The following POLR1E variants were observed in gnomAD, a reference collection of about 807,000 sequenced individuals.
POLR1E encodes the protein RNA polymerase I subunit E.
In POLR1E, 37 loss-of-function variants were observed where a neutral mutation model predicts 50.9. The observed-to-expected ratio is 0.73, with a 90% CI of 0.56 to 0.96. The LOEUF (loss-of-function observed/expected upper bound fraction) is 0.96. Among genes scored for constraint, POLR1E ranks in the 40% least tolerant of loss-of-function variants. The pLI is 0.00. For synonymous variants in POLR1E, 166 were observed against 191.6 expected, an observed-to-expected ratio of 0.87 and a Z score of 1.10; for missense variants, 426 against 518.1, an observed-to-expected ratio of 0.82 and a Z score of 1.73.
intron 4 of POLR1E, chr9:37,492,223 G>T (rs1343237627): frequency 9.4e-6 from 12 of 1,282,144 alleles, no homozygotes; most frequent in Non-Finnish European, 1.2e-5. Context: ...TGAGTACTTT[G>T]TAGATGATTG....
chr9:37,487,826 T>G, intron 2 of POLR1E, 37 bp from the exon 3 acceptor site: 2 of 1,572,758 alleles, frequency 1.3e-6, no homozygotes, highest in Non-Finnish European at 1.8e-6. Context: ...CCTTTCAACA[T>G]TGGTTGTAAA....
intron 1 of POLR1E, 109 bp downstream of exon 1, chr9:37,486,232 A>G (rs564037916): frequency 7.2e-7 from 1 of 1,380,972 alleles, no homozygotes; most frequent in East Asian, 2.5e-5. Flanking sequence ...CGGGGCCGGG[A>G]CCCCTCTAGT....
chr9:37,492,674 G>A lies in POLR1E; in HGVS notation c.361G>A (p.Glu121Lys). ...PLFSDVSVES[E>K]LALESQTKTY... ...TTTGATAGATGTATCAGTTGAGAGTGAACTGGCGCTAGAGAGTCAGACCAA... is the reference window on the plus strand; with the variant it reads ...TTTGATAGATGTATCAGTTGAGAGTAAACTGGCGCTAGAGAGTCAGACCAA... Residue 121 changes from glutamate to lysine, a missense_variant, in exon 5 of 12, where the codon GAA (glutamate) becomes AAA (lysine). By Grantham distance (56) the Glu-to-Lys change is moderately conservative. Transcript: ENST00000377798. The A allele has an allele frequency of 6.2e-7, 1 of 1,614,026 alleles. No individual in the cohort carries two copies.
chr9:37,501,049 T>G, intron 10 of POLR1E, 128 bp downstream of exon 10: 1 of 925,900 alleles, frequency 1.1e-6, no homozygotes, highest in Non-Finnish European at 1.6e-6. Flanking sequence ...TGCTGCCATT[T>G]GGAAGGCTCC....
At chr9:37,501,891 T>TGGAAAGCATGG in intron 11 of POLR1E, 47 bp downstream of exon 11, 1 of 1,571,206 alleles carries the variant, frequency 6.4e-7, no homozygotes, top group East Asian at 2.2e-5. Context: ...TCTCGATGTC[T>TGGAAAGCATGG]TATTTCTGGT....
chr9:37,486,724 TAC>T lies in POLR1E; in HGVS notation c.100_101del (p.Gln34GlufsTer11). 6.2e-7 allele frequency: 1 copy of T among 1,614,238 alleles called. No individual in the cohort carries two copies. Among genetic ancestry groups the T allele is most frequent in the South Asian group, 1.1e-5 (1 of 91,090 alleles). ...ACAGTCCAGTTCTCCAACGGGAAGC[TAC>T]AGAGTCCAGGCAACATGCGCTTTAC... On this transcript the variant is annotated frameshift_variant, in exon 2 of 12. Transcript: ENST00000377798. LOFTEE classifies it high-confidence loss of function.
intron 10 of POLR1E, among the ~76,000 whole-genome samples, chr9:37,501,123 TA>T (rs1414824607): frequency 6.6e-6 from 1 of 152,254 alleles, no homozygotes; most frequent in Non-Finnish European, 1.5e-5. Context: ...AGAAAAGTAT[TA>T]CCTTTTGGGA....
chr9:37,499,151 G>T (rs1300894368), intron 9 of POLR1E, among the ~76,000 whole-genome samples: 1 of 152,190 alleles, frequency 6.6e-6, no homozygotes, highest in Non-Finnish European at 1.5e-5. Context: ...GGGACTGGCT[G>T]GGCATGGTGG....
Position 37,500,926 on chromosome 9 carries a change from G to A in POLR1E, c.968+5G>A. ...CTTGACCTACAACAATGGCAGGTCA[G>A]GGGGTGGTTGCTGGGATTTTTCTTG... On this transcript the variant is annotated splice_donor_5th_base_variant and intron_variant, in intron 10 of 11. Transcript: ENST00000377798. The A allele has an allele frequency of 6.2e-7, 1 of 1,610,036 alleles. No homozygotes were observed. Among genetic ancestry groups the A allele is most frequent in the South Asian group, 1.1e-5 (1 of 90,872 alleles).
Position 37,490,133 on chromosome 9 carries a change from T to C in POLR1E, c.343+733T>C, listed in dbSNP as rs537703827. ...TATTTTTTATTTTTGTAAATTACTT[T>C]ATTTCTTCCTTGATCATTTCAAGGG... On this transcript the variant is annotated intron_variant, in intron 4 of 11. Transcript: ENST00000377798. Among the ~76,000 whole-genome samples the C allele has an allele frequency of 2.0e-5, 3 of 152,256 alleles. No individual in the cohort carries two copies. The South Asian group carries it at 6.2e-4, about 31-fold the overall frequency.
chr9:37,489,285 T>G, intron 3 of POLR1E, 30 bp from the exon 4 acceptor site: 2 of 1,455,180 alleles, frequency 1.4e-6, no homozygotes, highest in Non-Finnish European at 1.9e-6. Flanking sequence ...AATAATCCAT[T>G]GTTATTTGTA....
Position 37,503,313 on chromosome 9 carries a change from C to A in POLR1E, c.*111C>A. On this transcript the variant is annotated 3_prime_UTR_variant, in exon 12 of 12. Transcript: ENST00000377798. ...AAGAAAAGGTCCGGGGATGGTGGCT[C>A]ACACCTGAAATCCCAGCACTTTGGG... is the stretch of plus-strand genomic sequence containing the variant. 1 of 1,333,716 alleles carries A rather than the reference C, an allele frequency of 7.5e-7. No individual in the cohort carries two copies. The highest frequency in any genetic ancestry group is 1.6e-5 in the South Asian group (1 of 63,930). The allele number at this position is 1,333,716 out of a possible 1,614,324, so 82.6% of individuals were successfully genotyped here.
intron 11 of POLR1E, 146 bp from the exon 12 acceptor site, chr9:37,502,897 T>G (rs1323207746): frequency 1.6e-4 from 129 of 820,792 alleles, no homozygotes; most frequent in Non-Finnish European, 1.5e-4. Flanking sequence ...TGCCTGCCTC[T>G]CTGCCAGGGG....
chr9:37,496,492 C>A (rs2119011542), intron 8 of POLR1E, among the ~76,000 whole-genome samples: 1 of 151,296 alleles, frequency 6.6e-6, no homozygotes, highest in African/African-American at 2.4e-5. Flanking sequence ...GTTTTTTTTG[C>A]TTTTGAGTTT....
At position 37,487,803 on chromosome 9, in the gene POLR1E, A is replaced by G. The variant is rs1820605335; in HGVS notation, c.181-60A>G. The G allele has an allele frequency of 2.0e-5, 30 of 1,499,602 alleles. No homozygotes were observed. In the South Asian group the frequency reaches 2.8e-4, roughly 14 times the overall value. The allele number at this position is 1,499,602 out of a possible 1,614,324, so 92.9% of individuals were successfully genotyped here. On this transcript the variant is annotated intron_variant, in intron 2 of 11. Transcript: ENST00000377798. ...GCCTCAGCAAATGTAGAAAAGAGAA[A>G]TGATGCTTAATACCTTTCAACATTG...
chr9:37,486,685 T>G lies in POLR1E; in HGVS notation c.77-18T>G, dbSNP rs771322179. 2.5e-6 allele frequency: 4 copies of G among 1,614,250 alleles called. No individual in the cohort carries two copies. The highest frequency in any genetic ancestry group is 4.5e-5 in the East Asian group (2 of 44,880). On this transcript the variant is annotated intron_variant, in intron 1 of 11. Coordinates refer to ENST00000377798, the MANE Select transcript of POLR1E (RefSeq NM_022490.4). ...TGGCCTTCTGCTCTCATCTCATTCTTGGGCTGCACTCTTACAGTCCAGTTC... is the reference window on the plus strand; with the variant it reads ...TGGCCTTCTGCTCTCATCTCATTCTGGGGCTGCACTCTTACAGTCCAGTTC...
intron 4 of POLR1E, 51 bp downstream of exon 4, chr9:37,489,451 C>G (rs781513673): frequency 1.5e-6 from 2 of 1,295,798 alleles, no homozygotes; most frequent in Admixed American, 2.5e-5. Flanking sequence ...TTTGGGTTTG[C>G]TGGATGAGTT....
intron 7 of POLR1E, 55 bp from the exon 8 acceptor site, chr9:37,495,835 C>A: frequency 7.8e-7 from 1 of 1,275,918 alleles, no homozygotes; most frequent in Non-Finnish European, 1.1e-6. Flanking sequence ...ATGAGATGAC[C>A]TAGCTAGTTG....
rs970931016 is a variant in POLR1E at position 37,493,860 on chromosome 9, A to G, written c.547+157A>G. 2.0e-5 allele frequency among the ~76,000 whole-genome samples: 3 copies of G among 152,194 alleles called. No individual in the cohort carries two copies. The East Asian group carries it at 5.8e-4, about 29-fold the overall frequency. On this transcript the variant is annotated intron_variant, in intron 6 of 11. Transcript: ENST00000377798. ...CTTCTCACGGACAGGTTCTGGAAGT[A>G]GTAAGAAACATCCGACATGGCTTTG...
Sources: allele counts gnomAD v4.1 joint callset (sites outside exome capture counted in the v4.1 genomes callset), GRCh38; gene constraint gnomAD v4.1.1; transcripts MANE v1.5; gene names NCBI Gene and HGNC (gene_info 2026-07-23, HGNC 2026-07-21).